Variants in DNAH10 observed in about 807,000 individuals in gnomAD.
DNAH10 encodes the protein axonemal beta dynein heavy chain 10.
DNAH10 carries 348 observed loss-of-function variants against 506.6 expected under a neutral mutation model. The observed-to-expected ratio is 0.69, with a 90% confidence interval of 0.63 to 0.75. The LOEUF is 0.75. DNAH10 is among the 30% of genes least tolerant of loss of function. The pLI, the probability that DNAH10 is intolerant of heterozygous loss-of-function variation, is 0.00. For synonymous variants in DNAH10, 2,059 were observed against 2,198.6 expected (o/e 0.94, Z 1.78); for missense variants, 5,179 against 5,787.1 (o/e 0.89, Z 3.41).
At position 123,850,781 on chromosome 12, in the gene DNAH10, T is replaced by TGA; in HGVS notation, c.6103-107_6103-106insGA. 1 of 1,151,498 alleles carries TGA rather than the reference T, an allele frequency of 8.7e-7. No homozygotes were observed. The highest frequency in any genetic ancestry group is 1.6e-5 in the African/African-American group (1 of 64,378). The allele number at this position is 1,151,498 out of a possible 1,614,324, so 71.3% of individuals were successfully genotyped here. A position where few individuals can be genotyped will look rare whatever the true frequency, so the allele number is the denominator to read the frequency against. ...GAGACAAGTGGTGTTGTCAGCCTCA[T>TGA]ACCATGAAAATGAATCGCCACGCAG... On this transcript the variant is annotated intron_variant, in intron 34 of 78. Transcript: ENST00000673944. The surrounding 1 kb of genome is among the most constrained non-coding windows in gnomAD (Gnocchi z 5.5).
At chr12:123,767,781 G>A (rs1957102990) in intron 2 of DNAH10, 92 bp downstream of exon 2, 1 of 1,067,136 alleles carries the variant, frequency 9.4e-7, no homozygotes, top group Non-Finnish European at 1.4e-6. Context: ...ACAATCAGTT[G>A]TACTTTCACT....
Position 123,853,172 on chromosome 12 carries a change from C to T in DNAH10, c.6292-34C>T. ...TTGCTTTTGAATCATTTTCTTTTTT[C>T]TTTTTTTTTGTATTATTATCTTCTA... On this transcript the variant is annotated intron_variant, in intron 35 of 78. Coordinates refer to ENST00000673944, the MANE Select transcript of DNAH10 (RefSeq NM_001372106.1). The surrounding 1 kb of genome is among the most constrained non-coding windows in gnomAD (Gnocchi z 4.7). 6 of 1,485,342 alleles carry T rather than the reference C, an allele frequency of 4.0e-6. No homozygotes were observed. The highest frequency in any genetic ancestry group is 4.7e-5 in the Admixed American group (2 of 42,678). The allele number at this position is 1,485,342 out of a possible 1,614,324, so 92.0% of individuals were successfully genotyped here.
At chr12:123,875,952 TA>T (rs987757565) in intron 47 of DNAH10, among the ~76,000 whole-genome samples, 4 of 152,222 alleles carry the variant, frequency 2.6e-5, no homozygotes, top group African/African-American at 9.6e-5. Flanking sequence ...GAAATGCGTG[TA>T]AAGGGTGCCT....
chr12:123,922,298 C>T (rs1374485966), intron 65 of DNAH10, among the ~76,000 whole-genome samples: 3 of 152,006 alleles, frequency 2.0e-5, no homozygotes, highest in Non-Finnish European at 2.9e-5. Flanking sequence ...ATGGCTTGAA[C>T]CCGGGAGGCG....
intron 59 of DNAH10, among the ~76,000 whole-genome samples, chr12:123,912,433 A>ATG (rs1954254262): frequency 2.5e-5 from 1 of 39,404 alleles, no homozygotes; most frequent in Non-Finnish European, 4.1e-5. Context: ...TCTTTCCCGC[A>ATG]GGGGGTCTGT....
At chr12:123,801,938 T>C (rs925603181) in intron 16 of DNAH10, among the ~76,000 whole-genome samples, 1 of 152,218 alleles carries the variant, frequency 6.6e-6, no homozygotes, top group Non-Finnish European at 1.5e-5. Flanking sequence ...CTGGCAACCA[T>C]GAATCTTTAT....
At chr12:123,912,574 C>T (rs1174560692) in intron 59 of DNAH10, among the ~76,000 whole-genome samples, 1 of 152,050 alleles carries the variant, frequency 6.6e-6, no homozygotes. Flanking sequence ...ACCCTCCCTC[C>T]AAGCTGTGAC....
intron 54 of DNAH10, among the ~76,000 whole-genome samples, chr12:123,896,436 C>T (rs963349926): frequency 6.6e-6 from 1 of 152,070 alleles, no homozygotes; most frequent in African/African-American, 2.4e-5. Context: ...TCAGATAATC[C>T]AGGTGATGTG....
intron 6 of DNAH10, among the ~76,000 whole-genome samples, chr12:123,782,882 A>G (rs570319301): frequency 1.2e-4 from 19 of 152,330 alleles, no homozygotes; most frequent in Non-Finnish European, 2.2e-4. Flanking sequence ...ATCTTAAATA[A>G]CTAAATCATT....
In DNAH10 at chr12:123,879,711, G is replaced by A. The variant is rs1952417615; in HGVS notation, c.8544G>A (p.Leu2848=). ...DVEVVMRDPI[L]FGDFQMALHE... ...AGGTGGTGATGAGGGATCCCATATT[G>A]TTTGGAGACTTCCAGATGGCTCTGC... The change falls in exon 50 of 79, where the codon TTG becomes TTA. Residue 2848 remains leucine (L), a synonymous_variant. Transcript: ENST00000673944. 1 of 1,613,854 alleles carries A rather than the reference G, an allele frequency of 6.2e-7. No individual in the cohort carries two copies. Among genetic ancestry groups the A allele is most frequent in the Admixed American group, 1.7e-5 (1 of 59,994 alleles).
At position 123,907,766 on chromosome 12, in the gene DNAH10, C is replaced by G. The variant is rs550780837; in HGVS notation, c.9816-1495C>G. 3.9e-5 allele frequency among the ~76,000 whole-genome samples: 6 copies of G among 152,310 alleles called. No individual in the cohort carries two copies. Among genetic ancestry groups the G allele is most frequent in the African/African-American group, 1.4e-4 (6 of 41,564 alleles). The stretch of plus-strand genomic sequence containing the variant: ...TTGTTCACAGAGCGGTGGCCGGGGC[C>G]TGGTTTCCATCCACCCTGAAGGGAC... On this transcript the variant is annotated intron_variant, in intron 57 of 78. Transcript: ENST00000673944. This position sits in a 1 kb window ranked among gnomAD's most constrained non-coding sequence, Gnocchi z 4.4.
Position 123,783,234 on chromosome 12 carries a change from G to A in DNAH10, c.969G>A (p.Ala323=), listed in dbSNP as rs145045672. 20 of 1,613,994 alleles carry A rather than the reference G, an allele frequency of 1.2e-5. No individual in the cohort carries two copies. The highest frequency in any genetic ancestry group is 6.7e-5 in the Admixed American group (4 of 59,996). Residue 323 remains alanine, a synonymous_variant, in exon 7 of 79, where the codon GCG becomes GCA. Transcript: ENST00000673944. ...VINWLNQIST[A]VEAQLKKTPQ... Reference sequence around the variant, plus strand: ...ACTGGCTGAATCAGATATCCACAGCGGTTGAGGCCCAACTGAAGAAGACAC... The same window carrying A: ...ACTGGCTGAATCAGATATCCACAGCAGTTGAGGCCCAACTGAAGAAGACAC...
rs768056192 is a variant in DNAH10 at position 123,928,601 on chromosome 12, A to G, written c.12306+14A>G. The G allele has an allele frequency of 8.8e-6, 14 of 1,583,690 alleles. No homozygotes were observed. The highest frequency in any genetic ancestry group is 1.2e-5 in the Non-Finnish European group (14 of 1,164,968). ...AAGTCCCTAAAGGTCTGGCTTCAGG[A>G]TGGACATCAACATGCCAGCACGCAG... On this transcript the variant is annotated intron_variant, in intron 70 of 78. Coordinates refer to ENST00000673944, the MANE Select transcript of DNAH10 (RefSeq NM_001372106.1). The surrounding 1 kb of genome is among the most constrained non-coding windows in gnomAD (Gnocchi z 4.9).
intron 13 of DNAH10, among the ~76,000 whole-genome samples, chr12:123,797,343 A>G (rs1958316255): frequency 6.6e-6 from 1 of 151,456 alleles, no homozygotes; most frequent in Non-Finnish European, 1.5e-5. Context: ...TTGTCCTTGC[A>G]TTCATGCTCA....
At chr12:123,837,140 T>A (rs1025148339) in intron 28 of DNAH10, among the ~76,000 whole-genome samples, 1 of 142,466 alleles carries the variant, frequency 7.0e-6, no homozygotes, top group Non-Finnish European at 1.5e-5. Flanking sequence ...TGTGAGCCAC[T>A]GTGCCCAGCC....
chr12:123,887,331 G>A lies in DNAH10; in HGVS notation c.8995+18G>A, dbSNP rs200220206. The A allele has an allele frequency of 3.9e-4, 625 of 1,607,786 alleles. 5 individuals are homozygous for A. Among genetic ancestry groups the A allele is most frequent in the Middle Eastern group, 1.5e-3 (9 of 5,974 alleles). ...GACCTCAGGTACAGCCAAGGCTGGC[G>A]CCCGCTGTGGCCAACACCCCGCTCA... is the stretch of plus-strand genomic sequence containing the variant. On this transcript the variant is annotated intron_variant, in intron 52 of 78. Coordinates refer to ENST00000673944, the MANE Select transcript of DNAH10 (RefSeq NM_001372106.1).
intron 10 of DNAH10, 90 bp downstream of exon 10, chr12:123,788,092 G>A (rs1485108653): frequency 1.4e-6 from 2 of 1,440,794 alleles, no homozygotes; most frequent in African/African-American, 2.8e-5. Context: ...TAGGAGCTGG[G>A]CGTCAGAAAG....
chr12:123,912,345 AGTCTGTCCTGGGGGG>A (rs1954235745), intron 59 of DNAH10, among the ~76,000 whole-genome samples: 1 of 6,174 alleles, frequency 1.6e-4, no homozygotes, highest in Non-Finnish European at 3.2e-4. Context: ...GTCCTGGGGG[AGTCTGTCCTGGGGGG>A]GTCTGTCCTG....
Position 123,841,357 on chromosome 12 carries a change from C to T in DNAH10, c.5172C>T (p.Asp1724=), listed in dbSNP as rs200339730. ...ACATAGCATCACTGAGGTTTAATGA[C>T]GGCGATAGTGGAGAAAAACTGGTGT... ...YDNIASLRFN[D]GDSGEKLVSA... Residue 1724 remains aspartate (D), a synonymous_variant, in exon 30 of 79, where the codon GAC becomes GAT. Transcript: ENST00000673944. 60 of 1,613,934 alleles carry T rather than the reference C, an allele frequency of 3.7e-5. No individual in the cohort carries two copies. The African/African-American group carries it at 4.1e-4, about 11-fold the overall frequency.
Sources: allele counts gnomAD v4.1 joint callset (sites outside exome capture counted in the v4.1 genomes callset), GRCh38; gene constraint gnomAD v4.1.1; non-coding constraint Gnocchi (gnomAD v3.1); transcripts MANE v1.5; gene names NCBI Gene and HGNC (gene_info 2026-07-23, HGNC 2026-07-21).